HELQ: variants seen among roughly 807,000 people sequenced by gnomAD.
The protein encoded by HELQ is helicase, POLQ like.
In HELQ, 77 loss-of-function variants were observed where a neutral mutation model predicts 111.6. The observed-to-expected ratio is 0.69, with a 90% CI of 0.57 to 0.83. The LOEUF is 0.83. Among genes scored for constraint, HELQ ranks in the 40% least tolerant of loss-of-function variants. The probability of loss-of-function intolerance (pLI) is 0.00; values close to 1 mark genes in which losing one functional copy is unlikely to be tolerated. For synonymous variants in HELQ, 438 were observed against 454.7 expected (o/e 0.96, Z 0.47); for missense variants, 1,200 against 1,288.5 (o/e 0.93, Z 1.05).
In HELQ at chr4:83,445,994, T is replaced by A. The variant is rs2110007424; in HGVS notation, c.1465+20A>T. ...CTTGATTATAAATCAATTCATGACCTCATTTGAAAAAATACTTACTGCTAG... is the reference window on the plus strand; with the variant it reads ...CTTGATTATAAATCAATTCATGACCACATTTGAAAAAATACTTACTGCTAG... On this transcript the variant is annotated intron_variant, in intron 5 of 17. Coordinates refer to ENST00000295488, the MANE Select transcript of HELQ (RefSeq NM_133636.5). 1 of 1,483,912 alleles carries A rather than the reference T, an allele frequency of 6.7e-7. No homozygotes were observed. The highest frequency in any genetic ancestry group is 1.1e-5 in the South Asian group (1 of 87,952). 91.9% of individuals were successfully genotyped at this position (1,483,912 alleles called of 1,614,324 possible).
Position 83,418,202 on chromosome 4 carries a change from A to C in HELQ, c.2954T>G (p.Leu985Arg). The C allele has an allele frequency of 6.4e-7, 1 of 1,551,226 alleles. No individual in the cohort carries two copies. Among genetic ancestry groups the C allele is most frequent in the Middle Eastern group, 1.7e-4 (1 of 5,878 alleles). The change falls in exon 16 of 18, where the codon CTT becomes CGT. Residue 985 changes from leucine to arginine, a missense_variant. Leu to Arg is a moderately radical substitution (Grantham distance 102, BLOSUM62 -2). This residue lies in a region of HELQ where 585 missense variants were observed against 665.3 expected (regional missense o/e 0.88). Transcript: ENST00000295488. ...SSCVLHFCEE[L>R]EEFWVYRALL... ...GGCTCTGTAAACCCAAAACTCCTCA[A>C]GCTCCTGTAGAACACAAAGAAATAT... is the stretch of plus-strand genomic sequence containing the variant.
At chr4:83,445,530 C>A (rs929946047) in intron 5 of HELQ, among the ~76,000 whole-genome samples, 1 of 152,084 alleles carries the variant, frequency 6.6e-6, no homozygotes, top group Admixed American at 6.5e-5. Flanking sequence ...CCTGATGCTG[C>A]AAAATAGCTC....
intron 1 of HELQ, among the ~76,000 whole-genome samples, chr4:83,454,898 T>G (rs1423168336): frequency 6.6e-6 from 1 of 151,246 alleles, no homozygotes; most frequent in African/African-American, 2.4e-5. Flanking sequence ...CTCCAAGGAG[T>G]TCCTAGGAAT....
intron 2 of HELQ, among the ~76,000 whole-genome samples, chr4:83,451,866 T>C (rs1366574960): frequency 1.3e-5 from 2 of 152,212 alleles, no homozygotes; most frequent in Non-Finnish European, 2.9e-5. Context: ...ACAATTTGGA[T>C]TCTTGTAGAG....
At position 83,453,655 on chromosome 4, in the gene HELQ, A is replaced by C. The variant is rs1468046987; in HGVS notation, c.588T>G (p.Pro196=). ...TTTCAAAGTATATAGCCTGTGAGGA[A>C]GGTACATCATACAAAAGATCAGCTC... The part of the protein sequence containing the change: ...EPGADLLYDV[P]SSQAIYFENL... The change falls in exon 2 of 18, where the codon CCT becomes CCG. Residue 196 remains proline, a synonymous_variant. Coordinates refer to ENST00000295488, the MANE Select transcript of HELQ (RefSeq NM_133636.5). 6.2e-7 allele frequency: 1 copy of C among 1,614,054 alleles called. No homozygotes were observed. The highest frequency in any genetic ancestry group is 8.5e-7 in the Non-Finnish European group (1 of 1,179,996).
chr4:83,431,053 T>G (rs939988182), intron 11 of HELQ, among the ~76,000 whole-genome samples: 2 of 152,184 alleles, frequency 1.3e-5, no homozygotes, highest in Admixed American at 1.3e-4. Context: ...AACTTGGAAG[T>G]TCACCCACGC....
chr4:83,414,143 A>G (rs1411785350), intron 17 of HELQ, among the ~76,000 whole-genome samples: 1 of 152,208 alleles, frequency 6.6e-6, no homozygotes, highest in Non-Finnish European at 1.5e-5. Context: ...AAGTATAGAA[A>G]AATACATAGA....
Position 83,416,740 on chromosome 4 carries a change from T to A in HELQ, c.3189A>T (p.Ser1063=). The A allele has an allele frequency of 1.2e-6, 2 of 1,612,186 alleles. No homozygotes were observed. Among genetic ancestry groups the A allele is most frequent in the East Asian group, 4.5e-5 (2 of 44,864 alleles). Residue 1063 remains serine, a synonymous_variant, in exon 17 of 18, where the codon TCA becomes TCT. Transcript: ENST00000295488. The stretch of plus-strand genomic sequence containing the variant: ...TGGTTTGTTTGCTTACCTTTGCTGA[T>A]GAAACAATTTGCTTGGCTTGGCGTC... ...LSRRQAKQIV[S]SAKMLLHEKA...
chr4:83,444,442 A>G (rs554622035), intron 5 of HELQ, among the ~76,000 whole-genome samples: 3 of 152,140 alleles, frequency 2.0e-5, no homozygotes, highest in African/African-American at 7.2e-5. Flanking sequence ...GTGCAGTGGC[A>G]TGATCTCGGC....
intron 17 of HELQ, among the ~76,000 whole-genome samples, chr4:83,416,529 T>G (rs573863807): frequency 6.6e-6 from 1 of 152,294 alleles, no homozygotes; most frequent in South Asian, 2.1e-4. Flanking sequence ...TTTTCTTTAT[T>G]TTTTAGCAGG....
intron 9 of HELQ, among the ~76,000 whole-genome samples, chr4:83,434,285 C>T (rs1234661790): frequency 1.1e-4 from 16 of 151,982 alleles, no homozygotes; most frequent in African/African-American, 3.4e-4. Flanking sequence ...GCAGGAGAAT[C>T]GCTTGAACCC....
At chr4:83,426,158 T>C in intron 13 of HELQ, 66 bp from the exon 14 acceptor site, 1 of 777,218 alleles carries the variant, frequency 1.3e-6, no homozygotes, top group Non-Finnish European at 2.3e-6. Flanking sequence ...AAATCCAGTA[T>C]TTCTTTTGAT....
Position 83,455,636 on chromosome 4 carries a change from G to C in HELQ, c.58C>G (p.Pro20Ala). Residue 20 changes from proline to alanine, a missense_variant, in exon 1 of 18, where the codon CCA becomes GCA. Around this residue, in one of 3 missense-constraint regions of HELQ, gnomAD observed 610 missense variants for 607.1 expected, o/e 1.00. Transcript: ENST00000295488. ...RRVSLPKRNR[P>A]SLGCIFGAPT... ...GCGCCAAAAATACACCCCAAGCTTG[G>C]ACGGTTCCTTTTGGGGAGAGACACC... 6.2e-7 allele frequency: 1 copy of C among 1,613,664 alleles called. No homozygotes were observed. Among genetic ancestry groups the C allele is most frequent in the East Asian group, 2.2e-5 (1 of 44,866 alleles).
chr4:83,452,833 G>A (rs548746106), intron 2 of HELQ, among the ~76,000 whole-genome samples: 5 of 152,314 alleles, frequency 3.3e-5, no homozygotes, highest in African/African-American at 1.2e-4. Context: ...ACAGAACCCA[G>A]AATTAGAGTG....
In HELQ at chr4:83,450,136, T is replaced by C. The variant is rs529057992; in HGVS notation, c.1013-1175A>G. ...GTGGTGGGGGTAAAGGCCGAATGAATTATTGTACAATCAACCAATGAGATT... is the reference window on the plus strand; with the variant it reads ...GTGGTGGGGGTAAAGGCCGAATGAACTATTGTACAATCAACCAATGAGATT... On this transcript the variant is annotated intron_variant, in intron 2 of 17. Transcript: ENST00000295488. Among the ~76,000 whole-genome samples the C allele has an allele frequency of 2.0e-3, 292 of 147,722 alleles. 1 individual carries two copies. Among genetic ancestry groups the C allele is most frequent in the African/African-American group, 5.0e-3 (201 of 40,206 alleles).
Position 83,448,876 on chromosome 4 carries a change from G to C in HELQ, c.1098C>G (p.Thr366=), listed in dbSNP as rs1721197246. The C allele has an allele frequency of 1.2e-6, 2 of 1,613,338 alleles. No individual in the cohort carries two copies. Among genetic ancestry groups the C allele is most frequent in the African/African-American group, 1.3e-5 (1 of 74,782 alleles). ...GCAGCATTAAAATCTCAGCCACGAG[G>C]GTTTTTCCACCACTTGTTGGCAAGG... ...IYSLPTSGGK[T]LVAEILMLQE... Residue 366 remains threonine, a synonymous_variant, in exon 3 of 18, where the codon ACC becomes ACG. Coordinates refer to ENST00000295488, the MANE Select transcript of HELQ (RefSeq NM_133636.5).
chr4:83,421,834 T>C (rs1719519726), intron 14 of HELQ, 98 bp from the exon 15 acceptor site: 3 of 826,378 alleles, frequency 3.6e-6, no homozygotes, highest in African/African-American at 1.7e-5. Context: ...TATTACAGAA[T>C]AGCAAGGATA....
Position 83,407,533 on chromosome 4 carries a change from G to A in HELQ, c.3226C>T (p.Leu1076=), listed in dbSNP as rs763107210. 4.3e-6 allele frequency: 7 copies of A among 1,611,594 alleles called. No homozygotes were observed. In the South Asian group the frequency reaches 7.7e-5, roughly 18 times the overall value. Residue 1076 remains leucine (L), a synonymous_variant, in exon 18 of 18, where the codon CTG becomes TTG. Transcript: ENST00000295488. ...AGTAACTCTTCTACCTCTTCTTGCAGGGCTTCTGCTTTTTCATGCAACAGC... is the reference window on the plus strand; with the variant it reads ...AGTAACTCTTCTACCTCTTCTTGCAAGGCTTCTGCTTTTTCATGCAACAGC... ...KMLLHEKAEA[L]QEEVEELLRL...
At chr4:83,410,753 C>T (rs1739042591) in intron 17 of HELQ, among the ~76,000 whole-genome samples, 1 of 151,990 alleles carries the variant, frequency 6.6e-6, no homozygotes, top group Admixed American at 6.6e-5. Flanking sequence ...GAAATGATGC[C>T]ACATGACAGG....
Sources: allele counts gnomAD v4.1 joint callset (sites outside exome capture counted in the v4.1 genomes callset), GRCh38; gene constraint gnomAD v4.1.1; regional missense constraint gnomAD v4.1.1; transcripts MANE v1.5; gene names NCBI Gene and HGNC (gene_info 2026-07-23, HGNC 2026-07-21).